Variants in SDC2 observed in about 807,000 individuals in gnomAD.
SDC2 encodes syndecan 2.
SDC2 carries 13 observed loss-of-function variants against 22.2 expected under a neutral mutation model. The observed-to-expected ratio is 0.59, with a 90% CI of 0.38 to 0.93. The LOEUF is 0.93. Ranked by LOEUF, SDC2 falls within the 40% of genes least tolerant of loss-of-function variation. The pLI, the probability that SDC2 is intolerant of heterozygous loss-of-function variation, is 0.00. For missense variants in SDC2, 235 were observed against 246.8 expected, an observed-to-expected ratio of 0.95 and a Z score of 0.32; for synonymous variants, 94 against 92.8, an observed-to-expected ratio of 1.01 and a Z score of -0.07.
intron 1 of SDC2, among the ~76,000 whole-genome samples, chr8:96,498,682 G>T (rs1002494628): frequency 1.3e-5 from 2 of 152,080 alleles, no homozygotes; most frequent in African/African-American, 4.8e-5. Context: ...GTAGGGATGG[G>T]GTTTCAACGT....
intron 1 of SDC2, among the ~76,000 whole-genome samples, chr8:96,566,542 TATC>T (rs925972743): frequency 2.0e-5 from 3 of 152,146 alleles, no homozygotes; most frequent in Non-Finnish European, 4.4e-5. Context: ...AAGAGGATCT[TATC>T]ATAACTCTCA....
At chr8:96,538,418 T>C (rs1390491978) in intron 1 of SDC2, among the ~76,000 whole-genome samples, 1 of 152,182 alleles carries the variant, frequency 6.6e-6, no homozygotes, top group Non-Finnish European at 1.5e-5. Flanking sequence ...AAAAAAGTTA[T>C]ACTGTAAATG....
chr8:96,545,218 C>T (rs1419138600), intron 1 of SDC2, among the ~76,000 whole-genome samples: 3 of 152,210 alleles, frequency 2.0e-5, no homozygotes, highest in Non-Finnish European at 4.4e-5. Flanking sequence ...AGTCGAAATT[C>T]AGTGGATAAG....
At chr8:96,561,149 T>C (rs1461754797) in intron 1 of SDC2, among the ~76,000 whole-genome samples, 1 of 152,050 alleles carries the variant, frequency 6.6e-6, no homozygotes, top group Non-Finnish European at 1.5e-5. Context: ...AGAGACAAAA[T>C]AATTCTTCAA....
At position 96,607,716 on chromosome 8, in the gene SDC2, G is replaced by T. The variant is rs181830688; in HGVS notation, c.307-619G>T. 4.8e-4 allele frequency among the ~76,000 whole-genome samples: 73 copies of T among 152,104 alleles called. 1 individual carries two copies. The highest frequency in any genetic ancestry group is 7.3e-5 in the Non-Finnish European group (5 of 68,040). On this transcript the variant is annotated intron_variant, in intron 3 of 4. Transcript: ENST00000302190. ...TGAGTGTCGTTCATTAGACAGGTGA[G>T]GAAATCAAGGTGGAGAAAAGAAGTA...
intron 1 of SDC2, among the ~76,000 whole-genome samples, chr8:96,506,921 A>G (rs1161060071): frequency 6.7e-6 from 1 of 149,408 alleles, no homozygotes; most frequent in African/African-American, 2.5e-5. Flanking sequence ...AGGTGGGAGT[A>G]TGGCGTGAAC....
At chr8:96,501,876 A>G (rs1172590163) in intron 1 of SDC2, among the ~76,000 whole-genome samples, 1 of 152,156 alleles carries the variant, frequency 6.6e-6, no homozygotes, top group Admixed American at 6.5e-5. Context: ...ATCCCCTGTC[A>G]AATACTTCTA....
chr8:96,604,914 C>T (rs1408255236), intron 3 of SDC2, among the ~76,000 whole-genome samples: 1 of 152,174 alleles, frequency 6.6e-6, no homozygotes, highest in Non-Finnish European at 1.5e-5. Flanking sequence ...CTTAGTCAAG[C>T]CTTTGCTTCC....
intron 1 of SDC2, among the ~76,000 whole-genome samples, chr8:96,531,094 TC>T (rs1406107627): frequency 6.6e-6 from 1 of 152,216 alleles, no homozygotes; most frequent in Non-Finnish European, 1.5e-5. Flanking sequence ...CCTGGGGCAT[TC>T]CAGTTGGGAA....
At chr8:96,541,918 G>A (rs943928764) in intron 1 of SDC2, among the ~76,000 whole-genome samples, 20 of 152,150 alleles carry the variant, frequency 1.3e-4, no homozygotes, top group African/African-American at 4.6e-4. Context: ...TTCCAGTTGA[G>A]CTCCAATGAC....
At chr8:96,552,033 T>G (rs1179679319) in intron 1 of SDC2, among the ~76,000 whole-genome samples, 1 of 152,140 alleles carries the variant, frequency 6.6e-6, no homozygotes, top group African/African-American at 2.4e-5. Flanking sequence ...TCCCCCAATT[T>G]GAGCAAGTAA....
At chr8:96,505,372 C>T (rs4735429) in intron 1 of SDC2, among the ~76,000 whole-genome samples, 28,025 of 151,866 alleles carry the variant, frequency 0.18, 3,376 homozygotes, top group East Asian at 0.52. Context: ...GGTGCGATCT[C>T]GGCTCACTGC....
chr8:96,503,432 G>A (rs763419876), intron 1 of SDC2, among the ~76,000 whole-genome samples: 2 of 152,184 alleles, frequency 1.3e-5, no homozygotes, highest in Non-Finnish European at 1.5e-5. Flanking sequence ...ATAAACCTAT[G>A]TATAGTGAGA....
At chr8:96,581,151 A>G (rs1223219506) in intron 1 of SDC2, among the ~76,000 whole-genome samples, 7 of 152,248 alleles carry the variant, frequency 4.6e-5, no homozygotes, top group African/African-American at 1.7e-4. Flanking sequence ...TTTAATTGTC[A>G]CTAGTAAATT....
intron 1 of SDC2, among the ~76,000 whole-genome samples, chr8:96,559,721 C>A (rs1814176459): frequency 6.6e-6 from 1 of 152,132 alleles, no homozygotes; most frequent in African/African-American, 2.4e-5. Context: ...AGTCTCCATT[C>A]TCTAAGAAGG....
intron 1 of SDC2, among the ~76,000 whole-genome samples, chr8:96,534,026 T>G (rs1231209054): frequency 6.6e-6 from 1 of 152,178 alleles, no homozygotes; most frequent in Non-Finnish European, 1.5e-5. Context: ...GGGGACCCAG[T>G]GCACCCTCCG....
intron 3 of SDC2, among the ~76,000 whole-genome samples, chr8:96,604,768 C>G (rs1201696287): frequency 6.6e-6 from 1 of 152,166 alleles, no homozygotes; most frequent in Non-Finnish European, 1.5e-5. Context: ...TCCAAACAAC[C>G]AGACATGGAT....
chr8:96,574,982 A>G (rs954668833), intron 1 of SDC2, among the ~76,000 whole-genome samples: 1 of 152,136 alleles, frequency 6.6e-6, no homozygotes, highest in Non-Finnish European at 1.5e-5. Flanking sequence ...GATCCCTCAC[A>G]TGTGCAGTTC....
rs1233113318 is a variant in SDC2 at position 96,611,333 on chromosome 8, A to G, written c.*1785A>G. The G allele has an allele frequency of 6.6e-6, 1 of 152,576 alleles. No individual in the cohort carries two copies. Among genetic ancestry groups the G allele is most frequent in the Non-Finnish European group, 1.5e-5 (1 of 68,036 alleles). 9.5% of individuals were successfully genotyped at this position (152,576 alleles called of 1,614,324 possible). ...CCAAGTCAGAAGAAGACAGCAAAAA[A>G]AGCAACTTTTCCAACATACAATTTA... On this transcript the variant is annotated 3_prime_UTR_variant, in exon 5 of 5. Coordinates refer to ENST00000302190, the MANE Select transcript of SDC2 (RefSeq NM_002998.4).
Sources: gnomAD v4.1 joint callset for allele counts (sites outside exome capture counted in the v4.1 genomes callset) on GRCh38, gnomAD v4.1.1 for gene constraint, MANE v1.5 for transcripts, NCBI Gene and HGNC (gene_info 2026-07-23, HGNC 2026-07-21) for gene names.